CACNA1D: variants seen among roughly 807,000 people sequenced by gnomAD.
CACNA1D encodes the protein calcium voltage-gated channel subunit alpha1 D, also known as voltage-dependent L-type calcium channel subunit alpha-1D.
Under a neutral mutation model 257.1 loss-of-function variants are expected in CACNA1D, and 55 were observed. The ratio of observed to expected loss-of-function variants is 0.21; its 90% CI spans 0.17 to 0.27. The LOEUF (loss-of-function observed/expected upper bound fraction) is 0.27, where lower values mean the gene tolerates loss of function less well. Ranked by LOEUF, CACNA1D falls within the 10% of genes least tolerant of loss-of-function variation. The pLI is 1.00. For missense variants in CACNA1D, 1,876 were observed against 2,784.0 expected (o/e 0.67, Z 7.34); for synonymous variants, 980 against 1,014.9 (o/e 0.97, Z 0.65).
chr3:53,771,956 C>T (rs926896909), intron 32 of CACNA1D, among the ~76,000 whole-genome samples: 2 of 152,200 alleles, frequency 1.3e-5, no homozygotes, highest in African/African-American at 2.4e-5. Context: ...GGTGGCTGAG[C>T]ACCTGTGAGC....
At chr3:53,663,558 C>T (rs2094227287) in intron 5 of CACNA1D, among the ~76,000 whole-genome samples, 1 of 152,206 alleles carries the variant, frequency 6.6e-6, no homozygotes, top group African/African-American at 2.4e-5. Context: ...CCCCATCCTT[C>T]TTTTCATGAC....
chr3:53,730,057 A>C (rs1377583235), intron 15 of CACNA1D, among the ~76,000 whole-genome samples: 1 of 152,188 alleles, frequency 6.6e-6, no homozygotes, highest in Non-Finnish European at 1.5e-5. Context: ...TTAAAAAAAA[A>C]ACCCAAACTA....
intron 3 of CACNA1D, among the ~76,000 whole-genome samples, chr3:53,577,206 G>A (rs2093052782): frequency 6.6e-6 from 1 of 152,134 alleles, no homozygotes; most frequent in Non-Finnish European, 1.5e-5. Context: ...GGGGGTAATA[G>A]GTGGCTTCTC....
intron 4 of CACNA1D, among the ~76,000 whole-genome samples, chr3:53,659,744 G>A (rs2094184804): frequency 6.6e-6 from 1 of 152,224 alleles, no homozygotes; most frequent in Admixed American, 6.5e-5. Flanking sequence ...CATTTTGTGA[G>A]AATTAATGTG....
At chr3:53,737,565 G>A (rs1225279669) in intron 20 of CACNA1D, among the ~76,000 whole-genome samples, 1 of 152,172 alleles carries the variant, frequency 6.6e-6, no homozygotes, top group Non-Finnish European at 1.5e-5. Flanking sequence ...GCTCATGCCT[G>A]TAATCCCAGT....
intron 3 of CACNA1D, among the ~76,000 whole-genome samples, chr3:53,620,160 A>G (rs1366151749): frequency 6.6e-6 from 1 of 152,226 alleles, no homozygotes. Context: ...CGACAGAGCC[A>G]GGACAGGTGT....
intron 3 of CACNA1D, among the ~76,000 whole-genome samples, chr3:53,636,970 A>G (rs913620864): frequency 1.3e-5 from 2 of 152,244 alleles, no homozygotes; most frequent in Admixed American, 6.5e-5. Context: ...TCTCAGACTT[A>G]TTAATAAAGA....
At chr3:53,763,346 A>G (rs911798265) in intron 30 of CACNA1D, among the ~76,000 whole-genome samples, 23 of 152,062 alleles carry the variant, frequency 1.5e-4, no homozygotes, top group African/African-American at 4.8e-4. Flanking sequence ...CACTCTGAGC[A>G]CCTCTCCCCC....
At chr3:53,609,740 T>C (rs2093559934) in intron 3 of CACNA1D, among the ~76,000 whole-genome samples, 1 of 152,192 alleles carries the variant, frequency 6.6e-6, no homozygotes, top group Non-Finnish European at 1.5e-5. Context: ...TTTTTCTCTA[T>C]TGTTTGCCTA....
At chr3:53,776,453 C>A in intron 35 of CACNA1D, 150 bp from the exon 36 acceptor site, 1 of 942,008 alleles carries the variant, frequency 1.1e-6, no homozygotes, top group Non-Finnish European at 1.6e-6. Flanking sequence ...ACACTCTTTT[C>A]TTAAACATTC....
chr3:53,695,432 T>C (rs2094564822), intron 8 of CACNA1D, among the ~76,000 whole-genome samples: 1 of 152,178 alleles, frequency 6.6e-6, no homozygotes, highest in Non-Finnish European at 1.5e-5. Flanking sequence ...CCAGCCTCTC[T>C]TCTCCATCCC....
intron 29 of CACNA1D, among the ~76,000 whole-genome samples, chr3:53,755,294 G>A (rs540787988): frequency 6.6e-6 from 1 of 152,318 alleles, no homozygotes; most frequent in South Asian, 2.1e-4. Flanking sequence ...CTAGGCTGAA[G>A]AGAAAGCACA....
At chr3:53,512,588 G>A (rs893592769) in intron 3 of CACNA1D, among the ~76,000 whole-genome samples, 3 of 152,132 alleles carry the variant, frequency 2.0e-5, no homozygotes, top group East Asian at 1.9e-4. Context: ...AGTGAGAGAC[G>A]AACCGCATGG....
intron 3 of CACNA1D, among the ~76,000 whole-genome samples, chr3:53,555,462 T>TGTGTGTG (rs1448053839): frequency 4.1e-5 from 4 of 97,802 alleles, no homozygotes; most frequent in Admixed American, 3.7e-4. Context: ...GTGTGTGTGT[T>TGTGTGTG]TTTTTTTTTT....
At chr3:53,738,012 C>T (rs533342850) in intron 20 of CACNA1D, among the ~76,000 whole-genome samples, 24 of 152,304 alleles carry the variant, frequency 1.6e-4, no homozygotes, top group Middle Eastern at 3.4e-3. Context: ...AAAGGCAAGA[C>T]GGCTAGAAGC....
intron 40 of CACNA1D, chr3:53,796,526 A>G: frequency 2.6e-6 from 1 of 379,476 alleles, no homozygotes; most frequent in Non-Finnish European, 5.5e-6. Flanking sequence ...TTGCAAATGC[A>G]TCTAGGCAGG....
intron 3 of CACNA1D, among the ~76,000 whole-genome samples, chr3:53,524,823 C>T (rs537673163): frequency 6.6e-6 from 1 of 152,316 alleles, no homozygotes; most frequent in South Asian, 2.1e-4. Context: ...TGGTTTTAAA[C>T]ACTCACTCAC....
At position 53,808,627 on chromosome 3, in the gene CACNA1D, G is replaced by C. The variant is rs200069331; in HGVS notation, c.5750-22G>C. On this transcript the variant is annotated intron_variant, in intron 45 of 47. Transcript: ENST00000350061. ...GGCAGAGAACTTGCTTCACAGCTGT[G>C]TGATGCCCTTTGCTTTCCCAGCCCA... is the stretch of plus-strand genomic sequence containing the variant. 4 of 1,605,182 alleles carry C rather than the reference G, an allele frequency of 2.5e-6. No homozygotes were observed. The East Asian group carries it at 8.9e-5, about 36-fold the overall frequency.
chr3:53,718,595 C>A, intron 10 of CACNA1D: 1 of 976,946 alleles, frequency 1.0e-6, no homozygotes, highest in East Asian at 2.6e-5. Flanking sequence ...CCCCCGCCCC[C>A]CGGCCCAGCA....
Sources: allele counts gnomAD v4.1 joint callset (sites outside exome capture counted in the v4.1 genomes callset), GRCh38; gene constraint gnomAD v4.1.1; transcripts MANE v1.5; gene names NCBI Gene and HGNC (gene_info 2026-07-23, HGNC 2026-07-21).